The following PRIM2 variants were observed in gnomAD, a reference collection of about 807,000 sequenced individuals.
PRIM2 encodes DNA primase large subunit.
Under a neutral mutation model 67.3 loss-of-function variants are expected in PRIM2, and 39 were observed. The observed-to-expected ratio is 0.58, with a 90% CI of 0.45 to 0.76. The LOEUF (loss-of-function observed/expected upper bound fraction) is 0.76. Ranked by LOEUF, PRIM2 falls within the 30% of genes least tolerant of loss-of-function variation. The pLI, the probability that PRIM2 is intolerant of heterozygous loss-of-function variation, is 0.00. For synonymous variants in PRIM2, 143 were observed against 198.7 expected (o/e 0.72, Z 2.36); for missense variants, 398 against 598.7 (o/e 0.66, Z 3.50).
At chr6:57,487,499 G>A (rs1372822190) in intron 7 of PRIM2, among the ~76,000 whole-genome samples, 1 of 152,202 alleles carries the variant, frequency 6.6e-6, no homozygotes, top group East Asian at 1.9e-4. Context: ...AAAGTGCTGG[G>A]ATTACAGGCA....
intron 13 of PRIM2, among the ~76,000 whole-genome samples, chr6:57,634,870 TA>T (rs1270909079): frequency 6.6e-6 from 1 of 152,196 alleles, no homozygotes; most frequent in Non-Finnish European, 1.5e-5. Context: ...ATAGTCTAAC[TA>T]ACTTAAACCA....
chr6:57,638,056 C>T (rs1777155921), intron 13 of PRIM2, among the ~76,000 whole-genome samples: 1 of 151,540 alleles, frequency 6.6e-6, no homozygotes, highest in East Asian at 1.9e-4. Context: ...GATCTCTCTG[C>T]AGAAACCCTA....
chr6:57,583,785 C>T (rs1330977494), intron 10 of PRIM2, among the ~76,000 whole-genome samples: 2 of 152,372 alleles, frequency 1.3e-5, no homozygotes, highest in East Asian at 3.9e-4. Flanking sequence ...AGTTTACAGT[C>T]CCATGAATAT....
At chr6:57,514,969 G>C (rs1438342267) in intron 8 of PRIM2, among the ~76,000 whole-genome samples, 3 of 152,106 alleles carry the variant, frequency 2.0e-5, no homozygotes, top group Non-Finnish European at 4.4e-5. Context: ...TCTGCATGTG[G>C]ATTATGTTAC....
the PRIM2 span, among the ~76,000 whole-genome samples, chr6:57,226,885 T>C: frequency 4.5e-4 from 69 of 152,326 alleles, no homozygotes; most frequent in South Asian, 1.2e-3. Flanking sequence ...ATGACTGCCT[T>C]GCTGAGATTG....
At chr6:57,560,726 T>C (rs1453126085) in intron 10 of PRIM2, among the ~76,000 whole-genome samples, 2 of 151,864 alleles carry the variant, frequency 1.3e-5, no homozygotes, top group East Asian at 1.9e-4. Context: ...AGGTGCATTG[T>C]CATGAAGCAG....
At chr6:57,385,933 TTTC>T (rs1770130902) in intron 7 of PRIM2, among the ~76,000 whole-genome samples, 2 of 143,716 alleles carry the variant, frequency 1.4e-5, no homozygotes, top group Admixed American at 1.4e-4. Flanking sequence ...TGGCTTTTGT[TTTC>T]TTTTTTTTTT....
chr6:57,537,645 T>C lies in PRIM2; in HGVS notation c.1020+20T>C, dbSNP rs1326582851. ...GACAAGGTAATTTTGAAAAAAAATA[T>C]CAGAGTGGTACCTGATATTTTAATT... On this transcript the variant is annotated intron_variant, in intron 10 of 13. Coordinates refer to ENST00000615550, the MANE Select transcript of PRIM2 (RefSeq NM_000947.5). 7.2e-6 allele frequency: 10 copies of C among 1,392,368 alleles called. No individual in the cohort carries two copies. Among genetic ancestry groups the C allele is most frequent in the African/African-American group, 5.8e-5 (4 of 69,190 alleles). 86.3% of individuals were successfully genotyped at this position (1,392,368 alleles called of 1,614,324 possible).
chr6:57,298,542 C>T, the PRIM2 span, among the ~76,000 whole-genome samples: 416 of 151,584 alleles, frequency 2.7e-3, no homozygotes, highest in Non-Finnish European at 4.6e-3. Flanking sequence ...AAGCAGGGCT[C>T]GGGGCAGAAA....
chr6:57,385,927 T>G (rs1770130307), intron 7 of PRIM2, among the ~76,000 whole-genome samples: 1 of 146,880 alleles, frequency 6.8e-6, no homozygotes, highest in African/African-American at 2.6e-5. Flanking sequence ...GGCATTTGGC[T>G]TTTGTTTTCT....
At chr6:57,549,625 AGG>A (rs1775360307) in intron 10 of PRIM2, among the ~76,000 whole-genome samples, 1 of 152,148 alleles carries the variant, frequency 6.6e-6, no homozygotes, top group African/African-American at 2.4e-5. Context: ...ATGTTGATAA[AGG>A]GGTTATTCTA....
At chr6:57,598,019 G>C (rs1350596068) in intron 10 of PRIM2, among the ~76,000 whole-genome samples, 4 of 152,098 alleles carry the variant, frequency 2.6e-5, no homozygotes, top group Non-Finnish European at 5.9e-5. Context: ...AGAATCATAG[G>C]AGTAAAAACT....
intron 8 of PRIM2, among the ~76,000 whole-genome samples, chr6:57,527,010 C>T (rs1336303965): frequency 2.6e-5 from 4 of 152,220 alleles, no homozygotes; most frequent in African/African-American, 7.2e-5. Flanking sequence ...CGTCTCTTTC[C>T]TGGCTACCTG....
At chr6:57,338,477 G>A (rs536358556) in intron 5 of PRIM2, among the ~76,000 whole-genome samples, 13,980 of 144,932 alleles carry the variant, frequency 0.096, 727 homozygotes, top group African/African-American at 0.12. Flanking sequence ...CTGGCAAACC[G>A]AATCCAGCAG....
chr6:57,467,634 T>A (rs1361107315), intron 7 of PRIM2, among the ~76,000 whole-genome samples: 3 of 152,226 alleles, frequency 2.0e-5, no homozygotes, highest in Admixed American at 6.5e-5. Flanking sequence ...CATGTGAAAT[T>A]TAAAGTAGTT....
chr6:57,354,623 C>T (rs1768967254), intron 5 of PRIM2, among the ~76,000 whole-genome samples: 1 of 152,118 alleles, frequency 6.6e-6, no homozygotes, highest in Non-Finnish European at 1.5e-5. Context: ...TGCTGATTAT[C>T]TGCACAATTC....
chr6:57,292,906 T>A, the PRIM2 span, among the ~76,000 whole-genome samples: 2 of 152,144 alleles, frequency 1.3e-5, no homozygotes, highest in African/African-American at 4.8e-5. Context: ...ACCTAGGCAA[T>A]ACCATTCAGG....
chr6:57,607,140 A>G (rs1212548755), intron 12 of PRIM2, among the ~76,000 whole-genome samples: 17 of 152,238 alleles, frequency 1.1e-4, no homozygotes, highest in Non-Finnish European at 5.9e-5. Context: ...TAAAAAGAAC[A>G]TTATATATTT....
intron 5 of PRIM2, among the ~76,000 whole-genome samples, chr6:57,356,931 CTTTTTTTTT>C (rs761605036): frequency 8.3e-6 from 1 of 120,794 alleles, no homozygotes; most frequent in African/African-American, 3.1e-5. Context: ...CCAATCCATT[CTTTTTTTTT>C]TTTTTTTTTT....
Sources: allele counts gnomAD v4.1 joint callset (sites outside exome capture counted in the v4.1 genomes callset), GRCh38; gene constraint gnomAD v4.1.1; transcripts MANE v1.5; gene names NCBI Gene and HGNC (gene_info 2026-07-23, HGNC 2026-07-21).